NFIC: variants seen among roughly 807,000 people sequenced by gnomAD.
NFIC encodes nuclear factor I C, also known as nuclear factor 1 C-type.
Under a neutral mutation model 54.4 loss-of-function variants are expected in NFIC, and 12 were observed. The ratio of observed to expected loss-of-function variants is 0.22; its 90% confidence interval spans 0.14 to 0.36. NFIC has a LOEUF of 0.36. Among genes scored for constraint, NFIC ranks in the 10% least tolerant of loss-of-function variants. The pLI is 1.00. For missense variants in NFIC, 575 were observed against 718.2 expected (o/e 0.80, Z 2.28); for synonymous variants, 322 against 319.2 (o/e 1.01, Z -0.09).
chr19:3,419,967 A>G (rs774990894), intron 2 of NFIC, among the ~76,000 whole-genome samples: 86 of 152,034 alleles, frequency 5.7e-4, no homozygotes, highest in Non-Finnish European at 1.1e-3. Context: ...GAACAAGACA[A>G]GGACACCACT....
intron 1 of NFIC, among the ~76,000 whole-genome samples, 181 bp downstream of exon 1, chr19:3,366,847 C>G (rs1020736103): frequency 6.6e-6 from 1 of 151,958 alleles, no homozygotes; most frequent in Non-Finnish European, 1.5e-5. Context: ...CTGGGGTACC[C>G]CCCCCACACC....
intron 1 of NFIC, among the ~76,000 whole-genome samples, chr19:3,367,537 G>A (rs911852390): frequency 2.6e-5 from 4 of 152,148 alleles, no homozygotes; most frequent in African/African-American, 9.7e-5. Context: ...AGACTGCCCC[G>A]GGGCCGAGCC....
intron 6 of NFIC, among the ~76,000 whole-genome samples, chr19:3,445,421 AG>A (rs1351957094): frequency 6.6e-6 from 1 of 152,180 alleles, no homozygotes; most frequent in Non-Finnish European, 1.5e-5. Context: ...CCGAGGCCTC[AG>A]GAGTGTTCCC....
intron 2 of NFIC, among the ~76,000 whole-genome samples, chr19:3,391,616 G>A (rs1019164085): frequency 2.2e-4 from 33 of 151,992 alleles, no homozygotes; most frequent in African/African-American, 7.7e-4. Flanking sequence ...GGCCAATATG[G>A]CAAAACCCCG....
chr19:3,378,942 C>G (rs2081152589), intron 1 of NFIC, among the ~76,000 whole-genome samples: 1 of 152,184 alleles, frequency 6.6e-6, no homozygotes, highest in Non-Finnish European at 1.5e-5. Context: ...AGAAATCCCC[C>G]CACCCTTCCA....
At chr19:3,415,372 C>T (rs899553125) in intron 2 of NFIC, among the ~76,000 whole-genome samples, 3 of 151,854 alleles carry the variant, frequency 2.0e-5, no homozygotes, top group African/African-American at 4.8e-5. Context: ...CCTCCTGCCT[C>T]GGCCTCCCAG....
At chr19:3,437,042 C>T (rs566516315) in intron 6 of NFIC, among the ~76,000 whole-genome samples, 4 of 152,146 alleles carry the variant, frequency 2.6e-5, no homozygotes, top group South Asian at 4.2e-4. Context: ...ACCCGGGAAA[C>T]GGGAGGTCAC....
Position 3,369,358 on chromosome 19 carries a change from C to G in NFIC, c.30+2692C>G, listed in dbSNP as rs76045367. ...CCTCTCTCCCTGTCTCTCTCTATCT[C>G]TGCATGTGTCTCCTTACTCCTCTCT... On this transcript the variant is annotated intron_variant, in intron 1 of 10. Transcript: ENST00000443272. The surrounding 1 kb of genome is among the most constrained non-coding windows in gnomAD (Gnocchi z 4.3). 6.6e-6 allele frequency among the ~76,000 whole-genome samples: 1 copy of G among 152,272 alleles called. No individual in the cohort carries two copies. Among genetic ancestry groups the G allele is most frequent in the African/African-American group, 2.4e-5 (1 of 41,554 alleles).
intron 1 of NFIC, among the ~76,000 whole-genome samples, chr19:3,377,431 G>C (rs999888596): frequency 4.6e-5 from 7 of 151,664 alleles, no homozygotes; most frequent in African/African-American, 1.2e-4. Context: ...TGAGAGCTGG[G>C]GGGAGGAAAA....
In NFIC at chr19:3,464,027, C is replaced by A. The variant is rs2082681026; in HGVS notation, c.*1258C>A. On this transcript the variant is annotated 3_prime_UTR_variant, in exon 11 of 11. Transcript: ENST00000443272. ...GCAGAGCTGGGCGTCACTTCGCAAG[C>A]GTCCTGCCCTGCCGGGGCGCGGGGG... 6.1e-6 allele frequency: 6 copies of A among 985,250 alleles called. No individual in the cohort carries two copies. Among genetic ancestry groups the A allele is most frequent in the Non-Finnish European group, 7.2e-6 (6 of 829,890 alleles). The allele number at this position is 985,250 out of a possible 1,614,324, so 61.0% of individuals were successfully genotyped here.
chr19:3,408,769 T>C (rs1382891473), intron 2 of NFIC, among the ~76,000 whole-genome samples: 1 of 152,104 alleles, frequency 6.6e-6, no homozygotes, highest in African/African-American at 2.4e-5. Context: ...ACCTGGCTAA[T>C]TTTTGTATTT....
At chr19:3,434,513 C>T (rs571407641) in intron 5 of NFIC, 113 bp downstream of exon 5, 9 of 1,422,426 alleles carry the variant, frequency 6.3e-6, no homozygotes, top group East Asian at 5.0e-5. Flanking sequence ...TCACGATTCA[C>T]CTGGCCTGAG....
At chr19:3,383,729 G>A (rs927990716) in intron 2 of NFIC, among the ~76,000 whole-genome samples, 2 of 152,174 alleles carry the variant, frequency 1.3e-5, no homozygotes, top group East Asian at 1.9e-4. Flanking sequence ...ATGGGTGTAC[G>A]CCAGACGCAG....
intron 6 of NFIC, among the ~76,000 whole-genome samples, chr19:3,438,105 A>T (rs1441418649): frequency 6.6e-6 from 1 of 152,188 alleles, no homozygotes; most frequent in Non-Finnish European, 1.5e-5. Flanking sequence ...TGAGAGGAAA[A>T]ATTGTAGCTT....
At chr19:3,448,125 T>G (rs899569664) in intron 6 of NFIC, among the ~76,000 whole-genome samples, 1 of 151,666 alleles carries the variant, frequency 6.6e-6, no homozygotes, top group Non-Finnish European at 1.5e-5. Context: ...CTGGCTGGAG[T>G]GTAGTGGCGT....
At chr19:3,363,228 T>TGTGTGTGTGTGTGTGTGTGC (rs1420040180), upstream of NFIC, among the ~76,000 whole-genome samples, 26 of 61,884 alleles carry the variant, frequency 4.2e-4, no homozygotes, top group East Asian at 5.2e-4. Context: ...TGTATATGTA[T>TGTGTGTGTGTGTGTGTGTGC]GTGTATGTGT....
Position 3,463,522 on chromosome 19 carries a change from C to T in NFIC, c.*753C>T. Reference sequence around the variant, plus strand: ...CTGCCGCGGGGCCTCCCCACAAGCCCCTCCCAAAGCGCCGGCCGACTCGCT... The same window carrying T: ...CTGCCGCGGGGCCTCCCCACAAGCCTCTCCCAAAGCGCCGGCCGACTCGCT... On this transcript the variant is annotated 3_prime_UTR_variant, in exon 11 of 11. Transcript: ENST00000443272. 2.0e-6 allele frequency: 2 copies of T among 985,018 alleles called. No individual in the cohort carries two copies. Among genetic ancestry groups the T allele is most frequent in the Non-Finnish European group, 2.4e-6 (2 of 829,858 alleles). 61.0% of individuals were successfully genotyped at this position (985,018 alleles called of 1,614,324 possible). A position where few individuals can be genotyped will look rare whatever the true frequency, so the allele number is the denominator to read the frequency against.
chr19:3,380,134 G>A (rs2081178289), intron 1 of NFIC, among the ~76,000 whole-genome samples: 1 of 151,676 alleles, frequency 6.6e-6, no homozygotes, highest in Middle Eastern at 3.4e-3. Flanking sequence ...CTGAGTAGCT[G>A]GGACTACAGG....
chr19:3,440,799 G>C (rs908942378), intron 6 of NFIC, among the ~76,000 whole-genome samples: 3 of 152,176 alleles, frequency 2.0e-5, no homozygotes, highest in Non-Finnish European at 4.4e-5. Flanking sequence ...GGGATTACAG[G>C]CGTGAGCCAC....
Sources: allele counts gnomAD v4.1 joint callset (sites outside exome capture counted in the v4.1 genomes callset), GRCh38; gene constraint gnomAD v4.1.1; non-coding constraint Gnocchi (gnomAD v3.1); transcripts MANE v1.5; gene names NCBI Gene and HGNC (gene_info 2026-07-23, HGNC 2026-07-21).